NEMP2: variants seen among roughly 807,000 people sequenced by gnomAD.
The protein encoded by NEMP2 is UPF0571 transmembrane protein.
In NEMP2, 53 loss-of-function variants were observed where a neutral mutation model predicts 54.2. That is an observed-to-expected ratio of 0.98 (90% confidence interval 0.78 to 1.23). NEMP2 has a LOEUF of 1.23. Among genes scored for constraint, NEMP2 ranks in the 50% most tolerant of loss-of-function variants. The pLI is 0.00. For missense variants in NEMP2, 455 were observed against 511.3 expected (o/e 0.89, Z 1.06); for synonymous variants, 197 against 190.3 (o/e 1.04, Z -0.29).
At chr2:190,502,779 C>T (rs1382038074), downstream of NEMP2, among the ~76,000 whole-genome samples, 2 of 152,168 alleles carry the variant, frequency 1.3e-5, no homozygotes, top group South Asian at 2.1e-4. The surrounding 1 kb of genome is among the most constrained non-coding windows in gnomAD (Gnocchi z 4.4). Flanking sequence ...GAACCACATC[C>T]GTGGATATTG....
the NEMP2 span, among the ~76,000 whole-genome samples, chr2:190,551,912 A>C: frequency 6.6e-6 from 1 of 152,180 alleles, no homozygotes; most frequent in East Asian, 1.9e-4. Context: ...CTCCTTTATC[A>C]GTTGTTCTGC....
At chr2:190,459,229 T>C in the NEMP2 span, among the ~76,000 whole-genome samples, 1 of 152,232 alleles carries the variant, frequency 6.6e-6, no homozygotes, top group African/African-American at 2.4e-5. This position sits in a 1 kb window ranked among gnomAD's most constrained non-coding sequence, Gnocchi z 5.3. Context: ...CTGCTGTGTC[T>C]CACCACAGTC....
Position 190,514,680 on chromosome 2 carries a change from T to A in NEMP2, c.728-2A>T. On this transcript the variant is annotated splice_acceptor_variant, in intron 6 of 8. Transcript: ENST00000409150. LOFTEE classifies it high-confidence loss of function. The surrounding 1 kb of genome is among the most constrained non-coding windows in gnomAD (Gnocchi z 5.7). ...AAAATCCAACTATCAAGACATAGCC[T>A]GGAAAAGTGGAAGAGGTAAAATAAT... The A allele has an allele frequency of 1.3e-6, 2 of 1,550,524 alleles. No individual in the cohort carries two copies. The highest frequency in any genetic ancestry group is 2.4e-5 in the South Asian group (2 of 84,036).
At chr2:190,429,113 C>CT in the NEMP2 span, among the ~76,000 whole-genome samples, 1 of 151,958 alleles carries the variant, frequency 6.6e-6, no homozygotes, top group Non-Finnish European at 1.5e-5. Flanking sequence ...TGTGAGGTGC[C>CT]TATTCAAGCT....
the NEMP2 span, chr2:190,469,840 A>G: frequency 1.2e-6 from 2 of 1,604,416 alleles, no homozygotes; most frequent in South Asian, 1.1e-5. The surrounding 1 kb of genome is among the most constrained non-coding windows in gnomAD (Gnocchi z 5.3). Context: ...TGTTCTCCCC[A>G]TGGAAGTTCT....
At chr2:190,564,231 T>C in the NEMP2 span, among the ~76,000 whole-genome samples, 3 of 152,360 alleles carry the variant, frequency 2.0e-5, no homozygotes, top group East Asian at 5.8e-4. The surrounding 1 kb of genome is among the most constrained non-coding windows in gnomAD (Gnocchi z 4.2). Flanking sequence ...AATTTGTGTT[T>C]ACTTATTTAT....
chr2:190,589,991 G>A, the NEMP2 span, among the ~76,000 whole-genome samples: 7 of 152,314 alleles, frequency 4.6e-5, no homozygotes, highest in Admixed American at 4.6e-4. This position sits in a 1 kb window ranked among gnomAD's most constrained non-coding sequence, Gnocchi z 4.3. Flanking sequence ...GATTAAGCCT[G>A]TTCTGCCCAG....
the NEMP2 span, among the ~76,000 whole-genome samples, chr2:190,462,785 T>G: frequency 6.6e-5 from 10 of 152,276 alleles, no homozygotes; most frequent in African/African-American, 2.4e-4. The surrounding 1 kb of genome is among the most constrained non-coding windows in gnomAD (Gnocchi z 5.7). Flanking sequence ...GGGAGAGAGA[T>G]ACTGTCAGCC....
At chr2:190,591,296 G>A in the NEMP2 span, among the ~76,000 whole-genome samples, 1 of 152,252 alleles carries the variant, frequency 6.6e-6, no homozygotes, top group East Asian at 1.9e-4. This position sits in a 1 kb window ranked among gnomAD's most constrained non-coding sequence, Gnocchi z 5.4. Flanking sequence ...AAGATTGTCT[G>A]CAGCTCAAAT....
At chr2:190,589,287 A>G in the NEMP2 span, among the ~76,000 whole-genome samples, 1 of 152,162 alleles carries the variant, frequency 6.6e-6, no homozygotes, top group Non-Finnish European at 1.5e-5. The surrounding 1 kb of genome is among the most constrained non-coding windows in gnomAD (Gnocchi z 4.3). Flanking sequence ...AGTGGCTATT[A>G]GCTTGCTATG....
chr2:190,549,714 A>G, the NEMP2 span, among the ~76,000 whole-genome samples: 1 of 152,178 alleles, frequency 6.6e-6, no homozygotes, highest in Non-Finnish European at 1.5e-5. Context: ...GACATATCCT[A>G]GTAAATTTTT....
chr2:190,542,166 A>G, the NEMP2 span, among the ~76,000 whole-genome samples: 1 of 152,018 alleles, frequency 6.6e-6, no homozygotes, highest in African/African-American at 2.4e-5. The surrounding 1 kb of genome is among the most constrained non-coding windows in gnomAD (Gnocchi z 4.6). Context: ...TAAGCTTTCT[A>G]CCTCTTGCTC....
chr2:190,474,606 G>C, the NEMP2 span, among the ~76,000 whole-genome samples: 2 of 152,176 alleles, frequency 1.3e-5, no homozygotes, highest in African/African-American at 4.8e-5. Context: ...TCCAGGACCA[G>C]ATGGATTCAC....
In NEMP2 at chr2:190,527,076, C is replaced by T. The variant is rs967471102; in HGVS notation, c.98-1698G>A. Among the ~76,000 whole-genome samples, 6 of 152,140 alleles carry T rather than the reference C, an allele frequency of 3.9e-5. No individual in the cohort carries two copies. Among genetic ancestry groups the T allele is most frequent in the Non-Finnish European group, 7.4e-5 (5 of 68,014 alleles). On this transcript the variant is annotated intron_variant, in intron 1 of 8. Transcript: ENST00000409150. This position sits in a 1 kb window ranked among gnomAD's most constrained non-coding sequence, Gnocchi z 4.0. ...CCGGATTCAAGATAGAGTGTCACCT[C>T]CACATCTGTTCTTTAGGAAACAGGA...
rs187682857 is a variant in NEMP2, at chr2:190,523,202, A to T, written c.213+2061T>A. 1.2e-4 allele frequency among the ~76,000 whole-genome samples: 18 copies of T among 152,310 alleles called. No homozygotes were observed. The highest frequency in any genetic ancestry group is 2.4e-4 in the Non-Finnish European group (16 of 68,020). ...TATTTTGAATGAATAATATAACCAG[A>T]CTGAAGGGGGAGTGGATTGGGATGA... is the stretch of plus-strand genomic sequence containing the variant. On this transcript the variant is annotated intron_variant, in intron 2 of 8. Transcript: ENST00000409150. The surrounding 1 kb of genome is among the most constrained non-coding windows in gnomAD (Gnocchi z 5.3).
chr2:190,602,455 T>C, the NEMP2 span, among the ~76,000 whole-genome samples: 9 of 152,206 alleles, frequency 5.9e-5, no homozygotes, highest in East Asian at 1.5e-3. Context: ...CAACATCTAC[T>C]AATTTTAATG....
the NEMP2 span, among the ~76,000 whole-genome samples, chr2:190,598,243 G>T: frequency 4.6e-5 from 7 of 152,198 alleles, no homozygotes; most frequent in South Asian, 1.2e-3. Flanking sequence ...AGGCTGAGAT[G>T]AAGACCTTTA....
the NEMP2 span, among the ~76,000 whole-genome samples, chr2:190,463,599 T>C: frequency 6.6e-6 from 1 of 152,114 alleles, no homozygotes; most frequent in South Asian, 2.1e-4. The surrounding 1 kb of genome is among the most constrained non-coding windows in gnomAD (Gnocchi z 4.4). Flanking sequence ...GATAGGAGGA[T>C]TGCTTGAGCC....
chr2:190,594,541 C>G, the NEMP2 span, among the ~76,000 whole-genome samples: 38 of 152,164 alleles, frequency 2.5e-4, no homozygotes, highest in Admixed American at 2.5e-3. The surrounding 1 kb of genome is among the most constrained non-coding windows in gnomAD (Gnocchi z 5.6). Flanking sequence ...CAGGGCCTTG[C>G]ACATGGTAGG....
Sources: allele counts gnomAD v4.1 joint callset (sites outside exome capture counted in the v4.1 genomes callset), GRCh38; gene constraint gnomAD v4.1.1; non-coding constraint Gnocchi (gnomAD v3.1); transcripts MANE v1.5; gene names NCBI Gene and HGNC (gene_info 2026-07-23, HGNC 2026-07-21).